The following SHANK2 variants were observed in gnomAD, a reference collection of about 807,000 sequenced individuals.
SHANK2 encodes the protein SH3 and multiple ankyrin repeat domains 2.
A neutral mutation model predicts 133.7 loss-of-function variants in SHANK2; 43 were observed. The ratio of observed to expected loss-of-function variants is 0.32; its 90% confidence interval spans 0.25 to 0.41. The LOEUF (loss-of-function observed/expected upper bound fraction) is 0.41. SHANK2 is among the 10% of genes least tolerant of loss of function. SHANK2 has a pLI of 1.00. For missense variants in SHANK2, 1,994 were observed against 2,235.8 expected (o/e 0.89, Z 2.18); for synonymous variants, 1,017 against 952.8 (o/e 1.07, Z -1.24).
chr11:71,080,635 CAT>C (rs2136001503), intron 8 of SHANK2, among the ~76,000 whole-genome samples: 1 of 152,320 alleles, frequency 6.6e-6, no homozygotes, highest in East Asian at 1.9e-4. Flanking sequence ...TCTCCCAAAA[CAT>C]ATGCCTTGTG....
At chr11:70,742,081 T>C (rs1946539602) in intron 14 of SHANK2, among the ~76,000 whole-genome samples, 1 of 152,152 alleles carries the variant, frequency 6.6e-6, no homozygotes, top group African/African-American at 2.4e-5. Flanking sequence ...GGCAAAACAT[T>C]AGATACACTG....
chr11:70,714,630 T>C (rs1945869587), intron 14 of SHANK2, among the ~76,000 whole-genome samples: 1 of 152,160 alleles, frequency 6.6e-6, no homozygotes, highest in African/African-American at 2.4e-5. Flanking sequence ...GAAAATCAGG[T>C]GTGATCTGAT....
At chr11:71,235,502 G>GA (rs1249142301) in intron 1 of SHANK2, among the ~76,000 whole-genome samples, 1 of 151,160 alleles carries the variant, frequency 6.6e-6, no homozygotes, top group East Asian at 1.9e-4. Flanking sequence ...GCTGAGGCAG[G>GA]AAAATCACTT....
intron 8 of SHANK2, 45 bp downstream of exon 8, chr11:71,092,377 A>G (rs1555094215): frequency 1.9e-6 from 3 of 1,548,076 alleles, no homozygotes; most frequent in Non-Finnish European, 2.6e-6. Flanking sequence ...GAGAAGGGGA[A>G]GTCAGTTCGT....
rs1338126423 is a variant in SHANK2, at chr11:71,175,545, GGAGAGGGAGAGAGAGAGAGA to G, written c.-12-28227_-12-28208del. ...GACAGACAGACAGACAGAGGGAGAG[GGAGAGGGAGAGAGAGAGAGA>G]GAGAGAGAGAGAGAGAGAGAGAGAG... is the stretch of plus-strand genomic sequence containing the variant. On this transcript the variant is annotated intron_variant, in intron 2 of 25. Coordinates refer to ENST00000601538, the MANE Select transcript of SHANK2 (RefSeq NM_012309.5). This position sits in a 1 kb window ranked among gnomAD's most constrained non-coding sequence, Gnocchi z 4.2. Among the ~76,000 whole-genome samples the G allele has an allele frequency of 5.6e-3, 442 of 79,350 alleles. 3 individuals are homozygous for G. The highest frequency in any genetic ancestry group is 0.015 in the African/African-American group (344 of 22,592). 52.1% of individuals were successfully genotyped at this position (79,350 alleles called of 152,430 possible). A position where few individuals can be genotyped will look rare whatever the true frequency, so the allele number is the denominator to read the frequency against.
intron 1 of SHANK2, among the ~76,000 whole-genome samples, chr11:71,232,808 TG>T (rs1954766687): frequency 2.0e-5 from 3 of 152,182 alleles, no homozygotes; most frequent in African/African-American, 7.2e-5. Context: ...AGTTACATTT[TG>T]GGGGAGTCAC....
intron 17 of SHANK2, among the ~76,000 whole-genome samples, chr11:70,630,277 C>T (rs1027930049): frequency 6.6e-6 from 1 of 152,190 alleles, no homozygotes; most frequent in East Asian, 1.9e-4. Context: ...GGTCCCAGGC[C>T]CCAGAAGGCT....
At chr11:70,904,722 G>A (rs937545828) in intron 10 of SHANK2, among the ~76,000 whole-genome samples, 13 of 152,092 alleles carry the variant, frequency 8.5e-5, no homozygotes, top group African/African-American at 3.1e-4. Flanking sequence ...TAGGCAGGCT[G>A]GTCTCGAACT....
intron 2 of SHANK2, among the ~76,000 whole-genome samples, chr11:71,207,366 G>A (rs1020466034): frequency 2.6e-5 from 4 of 152,100 alleles, no homozygotes; most frequent in Admixed American, 6.5e-5. Context: ...TTTTAGTAGA[G>A]ACAGGGTTTC....
At chr11:70,911,356 A>AAAAAAAAC (rs372963914) in intron 10 of SHANK2, among the ~76,000 whole-genome samples, 17 of 151,490 alleles carry the variant, frequency 1.1e-4, no homozygotes, top group East Asian at 5.8e-4. Flanking sequence ...ACTCCATCTC[A>AAAAAAAAC]AAAAAAACAA....
chr11:70,644,642 C>T (rs1565208801), intron 17 of SHANK2, among the ~76,000 whole-genome samples: 1 of 152,218 alleles, frequency 6.6e-6, no homozygotes. Context: ...CACACCTTTC[C>T]AACATGCATT....
intron 17 of SHANK2, among the ~76,000 whole-genome samples, chr11:70,532,109 T>C (rs1157235846): frequency 1.3e-5 from 2 of 152,198 alleles, no homozygotes; most frequent in Admixed American, 1.3e-4. Context: ...TTGATTCTTT[T>C]GCTTGTCATT....
At chr11:71,182,005 C>G (rs1953568145) in intron 2 of SHANK2, among the ~76,000 whole-genome samples, 2 of 152,314 alleles carry the variant, frequency 1.3e-5, no homozygotes, top group South Asian at 4.1e-4. Flanking sequence ...GGGGGTCCCT[C>G]TCTATCCCTG....
chr11:70,528,078 G>T (rs898240952), intron 17 of SHANK2, among the ~76,000 whole-genome samples: 3 of 152,234 alleles, frequency 2.0e-5, no homozygotes, highest in African/African-American at 7.2e-5. Context: ...TCCGGACCCA[G>T]ACGACAAGGC....
chr11:70,788,481 C>T (rs911699870), intron 14 of SHANK2, among the ~76,000 whole-genome samples: 2 of 152,158 alleles, frequency 1.3e-5, no homozygotes, highest in African/African-American at 4.8e-5. Context: ...ATCCCTTTGT[C>T]CAGCGCACTC....
intron 10 of SHANK2, among the ~76,000 whole-genome samples, chr11:70,920,220 T>TA (rs1158990025): frequency 6.6e-6 from 1 of 152,216 alleles, no homozygotes; most frequent in Non-Finnish European, 1.5e-5. Flanking sequence ...ATAATTATTT[T>TA]AAAAGCACTC....
intron 1 of SHANK2, among the ~76,000 whole-genome samples, chr11:71,228,369 T>A (rs1331787362): frequency 1.3e-5 from 2 of 152,214 alleles, no homozygotes; most frequent in African/African-American, 4.8e-5. Context: ...TCTACACAAT[T>A]TCTTCCAGAA....
intron 17 of SHANK2, among the ~76,000 whole-genome samples, chr11:70,539,338 C>T (rs2059584082): frequency 6.6e-6 from 1 of 152,164 alleles, no homozygotes; most frequent in Non-Finnish European, 1.5e-5. Context: ...ATGATGTTCT[C>T]CATTTAAAGA....
intron 25 of SHANK2, among the ~76,000 whole-genome samples, chr11:70,483,456 TG>T (rs2058761407): frequency 6.7e-6 from 1 of 149,598 alleles, no homozygotes; most frequent in East Asian, 2.0e-4. Flanking sequence ...CCCAGCACTT[TG>T]GGAGGCTGAG....
Sources: allele counts gnomAD v4.1 joint callset (sites outside exome capture counted in the v4.1 genomes callset), GRCh38; gene constraint gnomAD v4.1.1; non-coding constraint Gnocchi (gnomAD v3.1); transcripts MANE v1.5; gene names NCBI Gene and HGNC (gene_info 2026-07-23, HGNC 2026-07-21).